PRKAG2: variants seen among roughly 807,000 people sequenced by gnomAD.
PRKAG2 encodes the protein protein kinase AMP-activated non-catalytic subunit gamma 2, also known as 5'-AMP-activated protein kinase subunit gamma-2.
In PRKAG2, 26 loss-of-function variants were observed where a neutral mutation model predicts 69.6. The ratio of observed to expected loss-of-function variants is 0.37; its 90% confidence interval spans 0.27 to 0.52. PRKAG2 has a LOEUF of 0.52. Ranked by LOEUF, PRKAG2 falls within the 20% of genes least tolerant of loss-of-function variation. The pLI is 0.90. For missense variants in PRKAG2, 557 were observed against 740.0 expected (o/e 0.75, Z 2.87); for synonymous variants, 293 against 285.0 (o/e 1.03, Z -0.28).
rs549701683 is a variant in PRKAG2, at chr7:151,828,478, A to G, written c.115-41937T>C. Among the ~76,000 whole-genome samples the G allele has an allele frequency of 4.6e-5, 7 of 152,382 alleles. No homozygotes were observed. In the South Asian group the frequency reaches 8.3e-4, roughly 18 times the overall value. ...CTAAAAGCCATCTCACAGAGGTGAC[A>G]CTGCTATAAAGGCTAGCAAAGCAAA... On this transcript the variant is annotated intron_variant, in intron 1 of 15. Transcript: ENST00000287878. This position sits in a 1 kb window ranked among gnomAD's most constrained non-coding sequence, Gnocchi z 4.6.
chr7:151,771,416 C>T lies in PRKAG2; in HGVS notation c.466+9736G>A, dbSNP rs10452852. On this transcript the variant is annotated intron_variant, in intron 3 of 15. Transcript: ENST00000287878. This position sits in a 1 kb window ranked among gnomAD's most constrained non-coding sequence, Gnocchi z 4.0. ...GGGAGGTGGGTGCTTAGGGATTATTCCACTTCCTCCTTTCCTCCTGCACTC... is the reference window on the plus strand; with the variant it reads ...GGGAGGTGGGTGCTTAGGGATTATTTCACTTCCTCCTTTCCTCCTGCACTC... Among the ~76,000 whole-genome samples, 3,983 of 152,238 alleles carry T rather than the reference C, an allele frequency of 0.026. 67 individuals carry two copies. Among genetic ancestry groups the T allele is most frequent in the African/African-American group, 0.044 (1,811 of 41,526 alleles).
At chr7:151,798,477 G>A (rs149498101) in intron 1 of PRKAG2, among the ~76,000 whole-genome samples, 2,827 of 152,188 alleles carry the variant, frequency 0.019, 92 homozygotes, top group Admixed American at 0.064. Flanking sequence ...ACCACGCCCG[G>A]CTAATTTTTC....
intron 3 of PRKAG2, among the ~76,000 whole-genome samples, chr7:151,761,098 T>C (rs575717554): frequency 5.3e-4 from 80 of 152,362 alleles, no homozygotes; most frequent in Non-Finnish European, 1.0e-3. Flanking sequence ...TGATTCCATA[T>C]TGCTTCTGAC....
chr7:151,560,640 C>A, intron 14 of PRKAG2, 23 bp from the exon 15 acceptor site: 1 of 1,613,498 alleles, frequency 6.2e-7, no homozygotes, highest in Non-Finnish European at 8.5e-7. Context: ...AAGCAGGACA[C>A]GTGAAAATTA....
intron 2 of PRKAG2, among the ~76,000 whole-genome samples, chr7:151,783,889 G>A (rs915132542): frequency 1.4e-5 from 2 of 142,908 alleles, no homozygotes; most frequent in Non-Finnish European, 3.0e-5. Flanking sequence ...CAGCCAGCTT[G>A]GGTACAGAGC....
At chr7:151,760,598 C>T (rs1323647956) in intron 3 of PRKAG2, among the ~76,000 whole-genome samples, 2 of 152,192 alleles carry the variant, frequency 1.3e-5, no homozygotes, top group Non-Finnish European at 2.9e-5. Context: ...CTAATGTGCA[C>T]TTAGCATTTC....
intron 3 of PRKAG2, among the ~76,000 whole-genome samples, chr7:151,687,261 C>T (rs945876335): frequency 6.6e-6 from 1 of 152,168 alleles, no homozygotes; most frequent in African/African-American, 2.4e-5. Flanking sequence ...CAAAACGTAA[C>T]CCTAGATACT....
In PRKAG2 at chr7:151,702,413, C is replaced by A. The variant is rs143993316; in HGVS notation, c.467-26776G>T. 3.3e-3 allele frequency among the ~76,000 whole-genome samples: 508 copies of A among 152,298 alleles called. 3 individuals are homozygous for A. The highest frequency in any genetic ancestry group is 6.8e-3 in the Middle Eastern group (2 of 294). On this transcript the variant is annotated intron_variant, in intron 3 of 15. Transcript: ENST00000287878. ...AGGCCGGAGCTTTCGTCCATGCTGA[C>A]AGCAGACGGATGGGGATGCAGGTCC...
At chr7:151,576,975 A>T (rs1276238525) in intron 6 of PRKAG2, among the ~76,000 whole-genome samples, 1 of 114,364 alleles carries the variant, frequency 8.7e-6, no homozygotes, top group Non-Finnish European at 1.8e-5. Context: ...GAAATAATGC[A>T]ATTAACTTCT....
intron 3 of PRKAG2, among the ~76,000 whole-genome samples, chr7:151,776,534 G>T (rs188480235): frequency 2.0e-4 from 31 of 152,356 alleles, no homozygotes; most frequent in Admixed American, 4.6e-4. Context: ...ATAAAGAGCT[G>T]CAGTGCCTGA....
At chr7:151,619,425 A>G (rs930993404) in intron 5 of PRKAG2, among the ~76,000 whole-genome samples, 3 of 152,208 alleles carry the variant, frequency 2.0e-5, no homozygotes, top group African/African-American at 7.2e-5. Flanking sequence ...CAATGCCATA[A>G]GTTACCCTGA....
intron 3 of PRKAG2, among the ~76,000 whole-genome samples, chr7:151,684,747 G>C (rs559439960): frequency 6.6e-6 from 1 of 152,098 alleles, no homozygotes; most frequent in Non-Finnish European, 1.5e-5. Flanking sequence ...GTGTGGAGGT[G>C]AGAAATCCCA....
intron 1 of PRKAG2, among the ~76,000 whole-genome samples, chr7:151,834,538 C>T (rs1478806171): frequency 1.3e-5 from 2 of 152,220 alleles, no homozygotes; most frequent in Non-Finnish European, 2.9e-5. Flanking sequence ...CTGTTTGCAC[C>T]GCACAGCGCA....
chr7:151,586,424 A>G (rs916573471), intron 6 of PRKAG2, among the ~76,000 whole-genome samples: 2 of 152,122 alleles, frequency 1.3e-5, no homozygotes, highest in Admixed American at 1.3e-4. Flanking sequence ...GCTTTTTGAG[A>G]AATCTATCTG....
rs73160065 is a variant in PRKAG2, at chr7:151,869,088, G to C, written c.114+7419C>G. Among the ~76,000 whole-genome samples, 1,469 of 152,234 alleles carry C rather than the reference G, an allele frequency of 9.6e-3. 75 individuals are homozygous for C. The South Asian group carries it at 0.15, about 16-fold the overall frequency. ...AATATTGTTCTGAGAGGTTTTATTG[G>C]GGGGGGCAGTTCAAAGAAAAGAGGC... On this transcript the variant is annotated intron_variant, in intron 1 of 15. Coordinates refer to ENST00000287878, the MANE Select transcript of PRKAG2 (RefSeq NM_016203.4).
intron 3 of PRKAG2, among the ~76,000 whole-genome samples, chr7:151,741,614 C>T (rs1314667446): frequency 5.4e-5 from 8 of 149,030 alleles, no homozygotes; most frequent in Non-Finnish European, 8.9e-5. Context: ...GCAGAGGTTG[C>T]GATGAGCCGA....
intron 3 of PRKAG2, among the ~76,000 whole-genome samples, chr7:151,763,098 T>C (rs1242356190): frequency 6.6e-6 from 1 of 152,196 alleles, no homozygotes; most frequent in Non-Finnish European, 1.5e-5. Context: ...AAGAACCAAC[T>C]GAAAACGTCC....
intron 1 of PRKAG2, among the ~76,000 whole-genome samples, chr7:151,793,828 A>G (rs1261636601): frequency 1.3e-5 from 2 of 152,250 alleles, no homozygotes; most frequent in Non-Finnish European, 2.9e-5. Flanking sequence ...TTTGAAAAAC[A>G]TTCATGTTAT....
chr7:151,655,080 C>T (rs904084594), intron 4 of PRKAG2, among the ~76,000 whole-genome samples: 6 of 152,220 alleles, frequency 3.9e-5, no homozygotes, highest in African/African-American at 4.8e-5. Flanking sequence ...AAGTATTACT[C>T]GGGAAATATG....
Sources: gnomAD v4.1 joint callset for allele counts (sites outside exome capture counted in the v4.1 genomes callset) on GRCh38, gnomAD v4.1.1 for gene constraint, Gnocchi (gnomAD v3.1) non-coding constraint, MANE v1.5 for transcripts, NCBI Gene and HGNC (gene_info 2026-07-23, HGNC 2026-07-21) for gene names.